The following TENM4 variants were observed in gnomAD, a reference collection of about 807,000 sequenced individuals.
TENM4 encodes the protein teneurin transmembrane protein 4.
Under a neutral mutation model 243.3 loss-of-function variants are expected in TENM4, and 82 were observed. The observed-to-expected ratio is 0.34, with a 90% CI of 0.28 to 0.40. TENM4 has a LOEUF of 0.40. Ranked by LOEUF, TENM4 falls within the 10% of genes least tolerant of loss-of-function variation. The pLI is 1.00. For missense variants in TENM4, 3,138 were observed against 3,673.3 expected (o/e 0.85, Z 3.77); for synonymous variants, 1,412 against 1,456.3 (o/e 0.97, Z 0.69).
chr11:79,268,579 A>C (rs1855918180), intron 2 of TENM4, among the ~76,000 whole-genome samples: 1 of 152,158 alleles, frequency 6.6e-6, no homozygotes, highest in South Asian at 2.1e-4. Context: ...TATTCCCAGA[A>C]ATGTACTTGT....
intron 2 of TENM4, among the ~76,000 whole-genome samples, chr11:79,219,302 C>T (rs1864114147): frequency 6.6e-6 from 1 of 152,186 alleles, no homozygotes; most frequent in South Asian, 2.1e-4. Context: ...ATGTGGGCCT[C>T]AACAGGCTGG....
rs368212593 is a variant in TENM4 at position 79,064,147 on chromosome 11, GTATTAT to G, written c.493+585_493+590del. On this transcript the variant is annotated intron_variant, in intron 6 of 33. Coordinates refer to ENST00000278550, the MANE Select transcript of TENM4 (RefSeq NM_001098816.3). ...TTTTAGCAACTCTGAAATATATAAT[GTATTAT>G]TATTAACTATAGTCACCATGCTGTG... 4.9e-3 allele frequency among the ~76,000 whole-genome samples: 740 copies of G among 152,156 alleles called. 5 individuals carry two copies. The highest frequency in any genetic ancestry group is 0.017 in the African/African-American group (693 of 41,472).
intron 25 of TENM4, among the ~76,000 whole-genome samples, chr11:78,715,982 A>G (rs1011606536): frequency 1.3e-5 from 2 of 152,196 alleles, no homozygotes; most frequent in African/African-American, 4.8e-5. Context: ...AGGGATGCCC[A>G]TTCTGTCCCA....
chr11:79,074,755 A>C (rs559014594), intron 4 of TENM4, among the ~76,000 whole-genome samples: 75 of 152,220 alleles, frequency 4.9e-4, no homozygotes, highest in African/African-American at 1.8e-3. Context: ...GAGAGGCCAG[A>C]GTGTGTCTTC....
chr11:78,856,361 T>C (rs1199320611), intron 10 of TENM4, among the ~76,000 whole-genome samples, 183 bp from the exon 11 acceptor site: 1 of 151,780 alleles, frequency 6.6e-6, no homozygotes, highest in Admixed American at 6.6e-5. Flanking sequence ...GTCCAGAACT[T>C]TTTTTTCCCC....
chr11:78,731,006 C>T (rs907758862), intron 21 of TENM4, among the ~76,000 whole-genome samples: 2 of 152,194 alleles, frequency 1.3e-5, no homozygotes, highest in Admixed American at 6.5e-5. Context: ...TCTCCCAGCA[C>T]TTGCAAAGGT....
chr11:78,823,188 C>T (rs1191083471), intron 12 of TENM4, among the ~76,000 whole-genome samples: 1 of 152,186 alleles, frequency 6.6e-6, no homozygotes, highest in Admixed American at 6.5e-5. Flanking sequence ...GAGAGGCGAG[C>T]GCTCCCGGGA....
chr11:79,382,968 T>G (rs1464442005), intron 1 of TENM4, among the ~76,000 whole-genome samples: 1 of 152,168 alleles, frequency 6.6e-6, no homozygotes, highest in African/African-American at 2.4e-5. Flanking sequence ...AGGCACGCTC[T>G]GCCTGTGGCC....
At chr11:79,333,473 C>T (rs1048663419) in intron 1 of TENM4, among the ~76,000 whole-genome samples, 19 of 152,176 alleles carry the variant, frequency 1.2e-4, no homozygotes, top group Non-Finnish European at 2.1e-4. Flanking sequence ...TCCCTATTAC[C>T]CAGAATGGAA....
intron 1 of TENM4, among the ~76,000 whole-genome samples, chr11:79,341,452 A>G (rs1857240687): frequency 6.6e-6 from 1 of 152,216 alleles, no homozygotes; most frequent in Non-Finnish European, 1.5e-5. Context: ...GGCAGGTACT[A>G]GATCCCCAGT....
intron 1 of TENM4, among the ~76,000 whole-genome samples, chr11:79,382,157 T>C (rs1215393587): frequency 6.6e-6 from 1 of 152,050 alleles, no homozygotes; most frequent in East Asian, 1.9e-4. Flanking sequence ...ACACAGCTCA[T>C]TAGGGGGAGG....
At chr11:79,245,767 C>CTT (rs1855502621) in intron 2 of TENM4, among the ~76,000 whole-genome samples, 1 of 151,780 alleles carries the variant, frequency 6.6e-6, no homozygotes, top group Non-Finnish European at 1.5e-5. Flanking sequence ...TGGTGAAACC[C>CTT]TGTCTCTAAT....
chr11:78,832,445 G>A (rs1328376205), intron 12 of TENM4, among the ~76,000 whole-genome samples: 5 of 152,224 alleles, frequency 3.3e-5, no homozygotes. Context: ...GCGTATGCAC[G>A]CACACACACA....
intron 4 of TENM4, among the ~76,000 whole-genome samples, chr11:79,071,933 G>A (rs1860423837): frequency 6.6e-6 from 1 of 152,126 alleles, no homozygotes; most frequent in South Asian, 2.1e-4. Context: ...CACTGTTTTG[G>A]TTCCCGATTC....
Position 79,340,567 on chromosome 11 carries a change from C to T in TENM4, c.-320-43024G>A, listed in dbSNP as rs571500361. 5.3e-5 allele frequency among the ~76,000 whole-genome samples: 8 copies of T among 152,232 alleles called. No homozygotes were observed. In the South Asian group the frequency reaches 1.7e-3, roughly 32 times the overall value. On this transcript the variant is annotated intron_variant, in intron 1 of 33. Coordinates refer to ENST00000278550, the MANE Select transcript of TENM4 (RefSeq NM_001098816.3). ...CAGCTGCTGCCATAGCACACGTTTG[C>T]TTCTAGAGTCACAGCATAAAAGGCC...
intron 1 of TENM4, among the ~76,000 whole-genome samples, chr11:79,325,983 T>A (rs891184071): frequency 6.6e-5 from 10 of 152,252 alleles, no homozygotes; most frequent in Non-Finnish European, 1.3e-4. Flanking sequence ...AACATGAGCC[T>A]GCTCGCATCT....
chr11:79,231,971 T>C (rs1458598523), intron 2 of TENM4, among the ~76,000 whole-genome samples: 1 of 152,164 alleles, frequency 6.6e-6, no homozygotes, highest in Non-Finnish European at 1.5e-5. Context: ...TTCCAGCTAC[T>C]TGGGAAGCTG....
chr11:78,818,368 A>G (rs1857654097), intron 12 of TENM4, among the ~76,000 whole-genome samples: 1 of 152,226 alleles, frequency 6.6e-6, no homozygotes, highest in Non-Finnish European at 1.5e-5. Context: ...GGACGAAAGC[A>G]TATTTTCTGT....
chr11:79,431,937 T>C (rs1859177037), intron 1 of TENM4, among the ~76,000 whole-genome samples: 2 of 152,210 alleles, frequency 1.3e-5, no homozygotes, highest in Non-Finnish European at 2.9e-5. Context: ...ATCCCAACCT[T>C]AATCGAATGT....
Sources: gnomAD v4.1 joint callset for allele counts (sites outside exome capture counted in the v4.1 genomes callset) on GRCh38, gnomAD v4.1.1 for gene constraint, MANE v1.5 for transcripts, NCBI Gene and HGNC (gene_info 2026-07-23, HGNC 2026-07-21) for gene names.